Variants in ANKS1B observed in about 807,000 individuals in gnomAD.
ANKS1B encodes the protein ankyrin repeat and sterile alpha motif domain-containing protein 1B.
Under a neutral mutation model 148.3 loss-of-function variants are expected in ANKS1B, and 36 were observed. That is an observed-to-expected ratio of 0.24 (90% CI 0.19 to 0.32). The LOEUF (loss-of-function observed/expected upper bound fraction) is 0.32, where lower values mean the gene tolerates loss of function less well. ANKS1B is among the 10% of genes least tolerant of loss of function. ANKS1B has a pLI of 1.00. For missense variants in ANKS1B, 1,157 were observed against 1,542.6 expected, an observed-to-expected ratio of 0.75 and a Z score of 4.19; for synonymous variants, 542 against 560.8, an observed-to-expected ratio of 0.97 and a Z score of 0.47.
At chr12:99,262,242 A>AT (rs2075999338) in intron 12 of ANKS1B, among the ~76,000 whole-genome samples, 5 of 152,050 alleles carry the variant, frequency 3.3e-5, no homozygotes, top group Admixed American at 2.0e-4. Flanking sequence ...ATAAATATAA[A>AT]AAAATATATA....
intron 21 of ANKS1B, among the ~76,000 whole-genome samples, 199 bp from the exon 22 acceptor site, chr12:98,799,204 G>T (rs990018234): frequency 3.3e-5 from 5 of 152,220 alleles, no homozygotes; most frequent in Non-Finnish European, 4.4e-5. Flanking sequence ...CATAAGTTCT[G>T]GGGGCTGTAA....
At chr12:99,281,983 T>C (rs2078523608) in intron 12 of ANKS1B, among the ~76,000 whole-genome samples, 1 of 152,222 alleles carries the variant, frequency 6.6e-6, no homozygotes, top group South Asian at 2.1e-4. Context: ...AAAGTTCCTG[T>C]TCTCATGGAG....
intron 8 of ANKS1B, among the ~76,000 whole-genome samples, chr12:99,680,397 C>T (rs1171961693): frequency 5.9e-5 from 9 of 151,768 alleles, no homozygotes; most frequent in East Asian, 1.9e-4. Flanking sequence ...GCCACGATCA[C>T]GCCACTGCAC....
intron 1 of ANKS1B, among the ~76,000 whole-genome samples, chr12:99,857,299 T>A (rs1043181792): frequency 3.4e-5 from 5 of 145,290 alleles, no homozygotes; most frequent in African/African-American, 1.4e-4. Context: ...GCAAAAAAAA[T>A]AAAATAAAAT....
intron 10 of ANKS1B, among the ~76,000 whole-genome samples, chr12:99,484,366 T>C (rs375331316): frequency 2.4e-4 from 37 of 152,006 alleles, no homozygotes; most frequent in South Asian, 1.0e-3. Flanking sequence ...AAGACACTTA[T>C]GATTTCGATT....
chr12:99,534,294 G>A (rs983631792), intron 9 of ANKS1B, among the ~76,000 whole-genome samples: 7 of 152,162 alleles, frequency 4.6e-5, no homozygotes, highest in African/African-American at 1.2e-4. Flanking sequence ...CCAGAAATCT[G>A]AATTTAGTCC....
intron 17 of ANKS1B, among the ~76,000 whole-genome samples, chr12:98,982,847 C>G (rs1368153594): frequency 1.3e-5 from 2 of 152,184 alleles, no homozygotes; most frequent in Non-Finnish European, 2.9e-5. Flanking sequence ...AAAATTCTTG[C>G]ATAAGTTCCT....
intron 17 of ANKS1B, among the ~76,000 whole-genome samples, chr12:98,980,184 T>C (rs1597958067): frequency 6.6e-6 from 1 of 152,190 alleles, no homozygotes; most frequent in African/African-American, 2.4e-5. Flanking sequence ...CTTTAAATAC[T>C]TGCAAATAGG....
chr12:98,915,999 T>C (rs1423457321), intron 17 of ANKS1B, among the ~76,000 whole-genome samples: 2 of 152,170 alleles, frequency 1.3e-5, no homozygotes, highest in Non-Finnish European at 2.9e-5. Context: ...TCCTAGGTCT[T>C]GCCTATCCTG....
chr12:99,641,569 A>C (rs1307042050), intron 9 of ANKS1B, among the ~76,000 whole-genome samples: 1 of 152,198 alleles, frequency 6.6e-6, no homozygotes, highest in East Asian at 1.9e-4. Flanking sequence ...ATAAAAGAAG[A>C]GGAAATGGGA....
At chr12:99,608,769 G>T (rs2097872781) in intron 9 of ANKS1B, among the ~76,000 whole-genome samples, 1 of 151,996 alleles carries the variant, frequency 6.6e-6, no homozygotes, top group Admixed American at 6.6e-5. Flanking sequence ...TTTTCAAGGG[G>T]TCTCAGAGTC....
intron 9 of ANKS1B, among the ~76,000 whole-genome samples, chr12:99,537,025 T>C (rs571701765): frequency 6.6e-6 from 1 of 152,304 alleles, no homozygotes; most frequent in South Asian, 2.1e-4. Context: ...TTTCTGTGCC[T>C]GGCCAATTTC....
At position 99,092,785 on chromosome 12, in the gene ANKS1B, G is replaced by A. The variant is rs76827855; in HGVS notation, c.2527-7762C>T. Among the ~76,000 whole-genome samples, 34 of 152,280 alleles carry A rather than the reference G, an allele frequency of 2.2e-4. 1 individual carries two copies. In the East Asian group the frequency reaches 4.6e-3, roughly 21 times the overall value. On this transcript the variant is annotated intron_variant, in intron 15 of 26. Transcript: ENST00000683438. Reference sequence around the variant, plus strand: ...TCCCAACACAGCCACATATAATGACGCAGAAAGAAGTACCTAAAAAGATTA... The same window carrying A: ...TCCCAACACAGCCACATATAATGACACAGAAAGAAGTACCTAAAAAGATTA...
At chr12:99,799,785 A>G (rs1160082841) in intron 4 of ANKS1B, among the ~76,000 whole-genome samples, 1 of 152,152 alleles carries the variant, frequency 6.6e-6, no homozygotes, top group Non-Finnish European at 1.5e-5. Flanking sequence ...AGTGTACATA[A>G]TGTGTTCCAA....
At chr12:99,627,585 A>G (rs1447688752) in intron 9 of ANKS1B, among the ~76,000 whole-genome samples, 1 of 152,208 alleles carries the variant, frequency 6.6e-6, no homozygotes, top group Non-Finnish European at 1.5e-5. Flanking sequence ...TTTTTACACT[A>G]TTCCAGCATA....
chr12:99,883,870 C>A (rs143842414), intron 1 of ANKS1B, among the ~76,000 whole-genome samples: 10 of 152,000 alleles, frequency 6.6e-5, no homozygotes, highest in Non-Finnish European at 1.5e-4. Flanking sequence ...GAGCTGACAT[C>A]GTGCCACTGC....
chr12:98,809,400 C>G (rs538142097), intron 19 of ANKS1B, among the ~76,000 whole-genome samples: 1 of 152,320 alleles, frequency 6.6e-6, no homozygotes, highest in African/African-American at 2.4e-5. Context: ...TCACCCAGTC[C>G]TGAGCTAATT....
intron 17 of ANKS1B, among the ~76,000 whole-genome samples, chr12:98,961,649 G>T (rs188654587): frequency 1.3e-5 from 2 of 152,086 alleles, no homozygotes; most frequent in Admixed American, 1.3e-4. Context: ...AAGACTAAAA[G>T]ATCAACCAAT....
chr12:98,816,981 C>T (rs1383478360), intron 19 of ANKS1B, among the ~76,000 whole-genome samples: 1 of 151,186 alleles, frequency 6.6e-6, no homozygotes, highest in Admixed American at 6.6e-5. Flanking sequence ...AATTTTCTGC[C>T]GTGTTCTAGC....
Sources: allele counts gnomAD v4.1 joint callset (sites outside exome capture counted in the v4.1 genomes callset), GRCh38; gene constraint gnomAD v4.1.1; transcripts MANE v1.5; gene names NCBI Gene and HGNC (gene_info 2026-07-23, HGNC 2026-07-21).